The following CCDC158 variants were observed in gnomAD, a reference collection of about 807,000 sequenced individuals.
CCDC158 encodes the protein coiled-coil domain-containing protein 158.
Under a neutral mutation model 138.6 loss-of-function variants are expected in CCDC158, and 116 were observed. That is an observed-to-expected ratio of 0.84 (90% CI 0.72 to 0.98). The LOEUF is 0.98. Ranked by LOEUF, CCDC158 falls within the 50% of genes least tolerant of loss-of-function variation. The pLI is 0.00. For synonymous variants in CCDC158, 436 were observed against 442.4 expected, an observed-to-expected ratio of 0.99 and a Z score of 0.18; for missense variants, 1,265 against 1,306.1, an observed-to-expected ratio of 0.97 and a Z score of 0.48.
intron 1 of CCDC158, among the ~76,000 whole-genome samples, chr4:76,417,470 G>T (rs1186179194): frequency 6.6e-6 from 1 of 152,130 alleles, no homozygotes; most frequent in Non-Finnish European, 1.5e-5. Flanking sequence ...GGGGCCACAG[G>T]TGGAATGATA....
chr4:76,335,143 C>T (rs1721362608), intron 18 of CCDC158, among the ~76,000 whole-genome samples: 1 of 152,132 alleles, frequency 6.6e-6, no homozygotes, highest in East Asian at 1.9e-4. Context: ...AGACTCCACT[C>T]AATTATTAAA....
intron 22 of CCDC158, among the ~76,000 whole-genome samples, chr4:76,328,050 C>T (rs978711167): frequency 2.0e-5 from 3 of 151,976 alleles, no homozygotes; most frequent in South Asian, 2.1e-4. Flanking sequence ...AAAACTTTTT[C>T]CTCTGATGTT....
At chr4:76,332,304 A>G in intron 20 of CCDC158, 128 bp downstream of exon 20, 1 of 678,980 alleles carries the variant, frequency 1.5e-6, no homozygotes. Flanking sequence ...AAAGTCAGTT[A>G]AACAACGAAC....
chr4:76,363,327 C>T lies in CCDC158; in HGVS notation c.1831-1012G>A, dbSNP rs146115173. Among the ~76,000 whole-genome samples, 20 of 152,308 alleles carry T rather than the reference C, an allele frequency of 1.3e-4. No homozygotes were observed. In the East Asian group the frequency reaches 3.1e-3, roughly 23 times the overall value. On this transcript the variant is annotated intron_variant, in intron 12 of 24. Coordinates refer to ENST00000682701, the MANE Select transcript of CCDC158 (RefSeq NM_001394954.1). Reference sequence around the variant, plus strand: ...TAAGCATGTCCTGCATAACTCTACTCGGAGAAGGCTCTTGGAAGCTCATGC... The same window carrying T: ...TAAGCATGTCCTGCATAACTCTACTTGGAGAAGGCTCTTGGAAGCTCATGC...
intron 1 of CCDC158, among the ~76,000 whole-genome samples, chr4:76,415,228 C>A (rs1729597051): frequency 6.6e-6 from 1 of 152,112 alleles, no homozygotes; most frequent in East Asian, 1.9e-4. Context: ...ATCTGTGGAA[C>A]TTTGATCTTG....
chr4:76,394,328 C>T (rs1461180333), intron 4 of CCDC158, among the ~76,000 whole-genome samples: 2 of 152,076 alleles, frequency 1.3e-5, no homozygotes, highest in Admixed American at 6.6e-5. Flanking sequence ...TCATTTGCAA[C>T]AACATGGATG....
At chr4:76,381,721 G>A (rs569646999) in intron 8 of CCDC158, among the ~76,000 whole-genome samples, 25 of 152,170 alleles carry the variant, frequency 1.6e-4, no homozygotes, top group East Asian at 5.8e-4. Flanking sequence ...TTGCTCTGTC[G>A]CCCAGGTTGG....
intron 4 of CCDC158, among the ~76,000 whole-genome samples, chr4:76,385,408 C>T (rs1726692978): frequency 6.6e-6 from 1 of 152,098 alleles, no homozygotes; most frequent in African/African-American, 2.4e-5. Context: ...GCTTCAAAAA[C>T]TTGTATTTAC....
At chr4:76,409,607 G>A (rs1050599311) in intron 2 of CCDC158, among the ~76,000 whole-genome samples, 2 of 152,136 alleles carry the variant, frequency 1.3e-5, no homozygotes, top group African/African-American at 4.8e-5. Context: ...TGAGGCAGGC[G>A]GATCATGCGG....
At chr4:76,336,752 C>A (rs896576995) in intron 18 of CCDC158, among the ~76,000 whole-genome samples, 7 of 152,156 alleles carry the variant, frequency 4.6e-5, no homozygotes, top group Non-Finnish European at 8.8e-5. Flanking sequence ...TGACACACAC[C>A]TCAAGCTAAA....
chr4:76,403,861 G>A (rs745954600), intron 2 of CCDC158, among the ~76,000 whole-genome samples: 2 of 152,002 alleles, frequency 1.3e-5, no homozygotes, highest in Non-Finnish European at 2.9e-5. Context: ...AACAATTCCC[G>A]CAGCCCACCT....
At chr4:76,314,755 C>A (rs1463631455) in intron 24 of CCDC158, among the ~76,000 whole-genome samples, 1 of 152,148 alleles carries the variant, frequency 6.6e-6, no homozygotes, top group Non-Finnish European at 1.5e-5. Context: ...GGGAAGCCAT[C>A]CCTGACTATA....
At chr4:76,350,953 G>T in intron 18 of CCDC158, 43 bp downstream of exon 18, 3 of 1,565,334 alleles carry the variant, frequency 1.9e-6, no homozygotes, top group Non-Finnish European at 1.7e-6. Flanking sequence ...AATTACTTAC[G>T]CATATGTCAT....
chr4:76,341,511 G>A (rs772237137), intron 18 of CCDC158, among the ~76,000 whole-genome samples: 4 of 152,164 alleles, frequency 2.6e-5, no homozygotes, highest in Admixed American at 6.6e-5. Context: ...CCCACATCAT[G>A]TATATTTCAT....
chr4:76,338,922 G>C (rs1265628648), intron 18 of CCDC158, among the ~76,000 whole-genome samples: 1 of 152,140 alleles, frequency 6.6e-6, no homozygotes, highest in African/African-American at 2.4e-5. Flanking sequence ...ACAGCAGAAG[G>C]CTCTAAGACT....
At position 76,388,957 on chromosome 4, in the gene CCDC158, T is replaced by G. The variant is rs571968576; in HGVS notation, c.289-4292A>C. On this transcript the variant is annotated intron_variant, in intron 4 of 24. Transcript: ENST00000682701. ...AACCATAGCATTATTGGGCTTGGGG[T>G]TTTGAATACCTGGAAAGCCTTCCCG... is the stretch of plus-strand genomic sequence containing the variant. Among the ~76,000 whole-genome samples, 46 of 152,064 alleles carry G rather than the reference T, an allele frequency of 3.0e-4. No individual in the cohort carries two copies. The South Asian group carries it at 9.2e-3, about 30-fold the overall frequency.
intron 1 of CCDC158, among the ~76,000 whole-genome samples, chr4:76,417,552 C>T (rs115841594): frequency 6.6e-6 from 1 of 152,008 alleles, no homozygotes; most frequent in East Asian, 1.9e-4. Context: ...GTCATGGGAG[C>T]GACCCAGGGG....
intron 18 of CCDC158, among the ~76,000 whole-genome samples, chr4:76,342,294 T>C (rs1274624627): frequency 6.6e-6 from 1 of 152,128 alleles, no homozygotes; most frequent in Non-Finnish European, 1.5e-5. Flanking sequence ...CCAGCCTCAG[T>C]CCCTACAAAG....
At position 76,392,748 on chromosome 4, in the gene CCDC158, C is replaced by A. The variant is rs546851750; in HGVS notation, c.288+3521G>T. ...TTATATTTGGAAAAACCTAAAGACT[C>A]CACCAAAAAAAATGTTAGAACTAAT... On this transcript the variant is annotated intron_variant, in intron 4 of 24. Transcript: ENST00000682701. Among the ~76,000 whole-genome samples the A allele has an allele frequency of 2.2e-4, 34 of 151,858 alleles. No homozygotes were observed. The South Asian group carries it at 6.8e-3, about 31-fold the overall frequency.
Sources: allele counts gnomAD v4.1 joint callset (sites outside exome capture counted in the v4.1 genomes callset), GRCh38; gene constraint gnomAD v4.1.1; transcripts MANE v1.5; gene names NCBI Gene and HGNC (gene_info 2026-07-23, HGNC 2026-07-21).